Variants in TRPM3 observed in about 807,000 individuals in gnomAD.
The protein encoded by TRPM3 is long transient receptor potential channel 3.
A neutral mutation model predicts 181.2 loss-of-function variants in TRPM3; 77 were observed. The ratio of observed to expected loss-of-function variants is 0.42; its 90% CI spans 0.35 to 0.51. The LOEUF (loss-of-function observed/expected upper bound fraction) is 0.51. Ranked by LOEUF, TRPM3 falls within the 20% of genes least tolerant of loss-of-function variation. The probability of loss-of-function intolerance (pLI) is 0.01; values close to 1 mark genes in which losing one functional copy is unlikely to be tolerated. For missense variants in TRPM3, 1,759 were observed against 2,196.7 expected, an observed-to-expected ratio of 0.80 and a Z score of 3.98; for synonymous variants, 745 against 796.4, an observed-to-expected ratio of 0.94 and a Z score of 1.09.
chr9:71,152,393 C>G (rs1382665155), intron 1 of TRPM3, among the ~76,000 whole-genome samples: 1 of 152,052 alleles, frequency 6.6e-6, no homozygotes, highest in African/African-American at 2.4e-5. Flanking sequence ...ACCTATATGA[C>G]TAAATCACCA....
intron 1 of TRPM3, among the ~76,000 whole-genome samples, chr9:71,430,819 A>AG (rs1407069832): frequency 6.6e-6 from 1 of 152,138 alleles, no homozygotes; most frequent in Non-Finnish European, 1.5e-5. Flanking sequence ...TTAAAAAAAA[A>AG]AGAATGCTTG....
chr9:70,813,791 T>C (rs1361333460), intron 6 of TRPM3, among the ~76,000 whole-genome samples: 1 of 152,228 alleles, frequency 6.6e-6, no homozygotes, highest in Non-Finnish European at 1.5e-5. Context: ...CAGTCTGACC[T>C]TGTGCCTCTT....
chr9:71,365,607 C>T (rs1489740271), intron 1 of TRPM3, among the ~76,000 whole-genome samples: 1 of 152,078 alleles, frequency 6.6e-6, no homozygotes, highest in African/African-American at 2.4e-5. Context: ...TGTCACCCTC[C>T]ATTTCTTTAA....
chr9:71,205,612 A>C (rs1460451648), intron 1 of TRPM3, among the ~76,000 whole-genome samples: 1 of 152,234 alleles, frequency 6.6e-6, no homozygotes, highest in East Asian at 1.9e-4. Flanking sequence ...GGACACAGAC[A>C]AAATAAAAGT....
chr9:71,234,247 T>C (rs868773628), intron 1 of TRPM3, among the ~76,000 whole-genome samples: 5 of 152,188 alleles, frequency 3.3e-5, no homozygotes, highest in Non-Finnish European at 5.9e-5. Flanking sequence ...AAGTGATCCA[T>C]TGAGTGTTAC....
At chr9:71,353,136 T>C (rs1410522052) in intron 1 of TRPM3, among the ~76,000 whole-genome samples, 2 of 151,994 alleles carry the variant, frequency 1.3e-5, no homozygotes, top group South Asian at 2.1e-4. Flanking sequence ...GTCATATTCA[T>C]CCTTCAGGTT....
At chr9:71,196,824 CTGTT>C (rs1440645444) in intron 1 of TRPM3, among the ~76,000 whole-genome samples, 1 of 152,006 alleles carries the variant, frequency 6.6e-6, no homozygotes, top group African/African-American at 2.4e-5. Flanking sequence ...CTCCACAAAA[CTGTT>C]TGCTCTAAAG....
chr9:71,418,930 A>G (rs973456387), intron 1 of TRPM3, among the ~76,000 whole-genome samples: 21 of 147,022 alleles, frequency 1.4e-4, no homozygotes, highest in Admixed American at 2.1e-4. Flanking sequence ...GTGTGTGTGT[A>G]TATATATATA....
chr9:70,649,392 T>C (rs1052161289), intron 9 of TRPM3, among the ~76,000 whole-genome samples: 1 of 152,176 alleles, frequency 6.6e-6, no homozygotes, highest in Admixed American at 6.6e-5. Flanking sequence ...TTTTGCCATG[T>C]TGGCCGAGTT....
intron 1 of TRPM3, among the ~76,000 whole-genome samples, chr9:70,973,773 A>G (rs2097269477): frequency 6.6e-6 from 1 of 152,214 alleles, no homozygotes; most frequent in South Asian, 2.1e-4. Context: ...CACTAACATC[A>G]ATGGAAAGGG....
intron 1 of TRPM3, among the ~76,000 whole-genome samples, chr9:70,917,972 A>G (rs566839190): frequency 2.0e-5 from 3 of 149,934 alleles, no homozygotes; most frequent in Non-Finnish European, 1.5e-5. Flanking sequence ...ATGCCAAAGG[A>G]AAAAAAAAAG....
chr9:70,920,954 CCAAA>C (rs1288782762), intron 1 of TRPM3, among the ~76,000 whole-genome samples: 2 of 152,068 alleles, frequency 1.3e-5, no homozygotes, highest in African/African-American at 4.8e-5. Context: ...AGGAATGTTG[CCAAA>C]CAAATATACA....
rs77730533 is a variant in TRPM3, at chr9:71,355,663, G to A, written c.183+90990C>T. ...CATGTGACTATTTCTCTCCAACAAG[G>A]TAAAAGGAAGTACATGTATTATTTG... is the stretch of plus-strand genomic sequence containing the variant. On this transcript the variant is annotated intron_variant, in intron 1 of 24. Transcript: ENST00000357533. Among the ~76,000 whole-genome samples the A allele has an allele frequency of 5.3e-3, 810 of 152,208 alleles. 7 individuals carry two copies. The highest frequency in any genetic ancestry group is 0.019 in the African/African-American group (773 of 41,530).
At chr9:70,928,725 T>G (rs1032923151) in intron 1 of TRPM3, among the ~76,000 whole-genome samples, 44 of 152,100 alleles carry the variant, frequency 2.9e-4, no homozygotes, top group Non-Finnish European at 4.4e-5. Context: ...AGGAACATGA[T>G]GTACAGAGGG....
chr9:70,935,768 C>A (rs2096823271), intron 1 of TRPM3, among the ~76,000 whole-genome samples: 1 of 152,142 alleles, frequency 6.6e-6, no homozygotes, highest in Non-Finnish European at 1.5e-5. Flanking sequence ...TATTTGTGAA[C>A]ATTTAAAAAA....
In TRPM3 at chr9:70,533,057, C is replaced by T. The variant is rs947900293; in HGVS notation, c.*2896G>A. On this transcript the variant is annotated 3_prime_UTR_variant, in exon 26 of 26. Transcript: ENST00000677713. ...TTATATATTTCACACGTTTCACAGA[C>T]GTTAGAACTTAATTTTCATGCACAA... is the stretch of plus-strand genomic sequence containing the variant. The T allele has an allele frequency of 5.3e-5, 8 of 152,186 alleles. No homozygotes were observed. The highest frequency in any genetic ancestry group is 1.4e-4 in the African/African-American group (6 of 41,454). The allele number at this position is 152,186 out of a possible 1,614,324, so 9.4% of individuals were successfully genotyped here.
At chr9:70,619,152 A>G in intron 16 of TRPM3, 57 bp from the exon 17 acceptor site, 1 of 1,458,624 alleles carries the variant, frequency 6.9e-7, no homozygotes, top group Non-Finnish European at 9.4e-7. Flanking sequence ...CTTATAAGGT[A>G]AAAGTGGACC....
chr9:71,069,496 TA>T, intron 1 of TRPM3, among the ~76,000 whole-genome samples: 1 of 150,684 alleles, frequency 6.6e-6, no homozygotes, highest in East Asian at 2.0e-4. Context: ...TAATTGTGTT[TA>T]TATGAAAGTG....
chr9:71,205,953 T>G (rs1228440831), intron 1 of TRPM3, among the ~76,000 whole-genome samples: 1 of 152,206 alleles, frequency 6.6e-6, no homozygotes, highest in African/African-American at 2.4e-5. Context: ...TGGCTCTTAT[T>G]CTGAAAACAC....
Sources: allele counts gnomAD v4.1 joint callset (sites outside exome capture counted in the v4.1 genomes callset), GRCh38; gene constraint gnomAD v4.1.1; transcripts MANE v1.5; gene names NCBI Gene and HGNC (gene_info 2026-07-23, HGNC 2026-07-21).